The following SPTLC3 variants were observed in gnomAD, a reference collection of about 807,000 sequenced individuals.
SPTLC3 encodes the protein serine palmitoyltransferase long chain base subunit 3, also known as serine palmitoyltransferase 3.
SPTLC3 carries 36 observed loss-of-function variants against 59.3 expected under a neutral mutation model. That is an observed-to-expected ratio of 0.61 (90% CI 0.47 to 0.80). The LOEUF (loss-of-function observed/expected upper bound fraction) is 0.80, where lower values mean the gene tolerates loss of function less well. Ranked by LOEUF, SPTLC3 falls within the 30% of genes least tolerant of loss-of-function variation. The pLI, the probability that SPTLC3 is intolerant of heterozygous loss-of-function variation, is 0.00. For missense variants in SPTLC3, 625 were observed against 685.1 expected, an observed-to-expected ratio of 0.91 and a Z score of 0.98; for synonymous variants, 257 against 240.8, an observed-to-expected ratio of 1.07 and a Z score of -0.62.
In SPTLC3 at chr20:13,074,441, T is replaced by A; in HGVS notation, c.551T>A (p.Ile184Lys). ...AAKYDESMRT[I>K]KDVLEVYGTG... Reference sequence around the variant, plus strand: ...AAGTATGATGAGTCTATGAGGACAATAAAGGATGTTTTAGAGGTGTATGGC... The same window carrying A: ...AAGTATGATGAGTCTATGAGGACAAAAAAGGATGTTTTAGAGGTGTATGGC... Residue 184 changes from isoleucine (I) to lysine (K), a missense_variant, in exon 4 of 12, where the codon ATA (isoleucine) becomes AAA (lysine). Coordinates refer to ENST00000399002, the MANE Select transcript of SPTLC3 (RefSeq NM_018327.4). 1 of 1,614,092 alleles carries A rather than the reference T, an allele frequency of 6.2e-7. No individual in the cohort carries two copies. Among genetic ancestry groups the A allele is most frequent in the East Asian group, 2.2e-5 (1 of 44,868 alleles).
rs375987073 is a variant in SPTLC3, at chr20:13,165,757, G to C, written c.*890G>C. The C allele has an allele frequency of 2.0e-5, 3 of 152,170 alleles. No homozygotes were observed. Among genetic ancestry groups the C allele is most frequent in the Admixed American group, 6.6e-5 (1 of 15,264 alleles). The allele number at this position is 152,170 out of a possible 1,614,324, so 9.4% of individuals were successfully genotyped here. A position where few individuals can be genotyped will look rare whatever the true frequency, so the allele number is the denominator to read the frequency against. Reference sequence around the variant, plus strand: ...AATTTTGAGTAAATGGTGAAATTCAGTGTCCTTTAGAATCGACTCCCAAGA... The same window carrying C: ...AATTTTGAGTAAATGGTGAAATTCACTGTCCTTTAGAATCGACTCCCAAGA... On this transcript the variant is annotated 3_prime_UTR_variant, in exon 12 of 12. Coordinates refer to ENST00000399002, the MANE Select transcript of SPTLC3 (RefSeq NM_018327.4).
chr20:13,083,411 C>T lies in SPTLC3; in HGVS notation c.608-7672C>T, dbSNP rs556334990. 2.0e-5 allele frequency among the ~76,000 whole-genome samples: 3 copies of T among 152,280 alleles called. No individual in the cohort carries two copies. In the South Asian group the frequency reaches 6.2e-4, roughly 32 times the overall value. ...ACCACATAGGGGCCTATGTATTAAT[C>T]TTCATCAAAGGTACAATATAGAGCC... is the stretch of plus-strand genomic sequence containing the variant. On this transcript the variant is annotated intron_variant, in intron 4 of 11. Coordinates refer to ENST00000399002, the MANE Select transcript of SPTLC3 (RefSeq NM_018327.4).
At chr20:13,130,038 A>G (rs1475375645) in intron 9 of SPTLC3, among the ~76,000 whole-genome samples, 2 of 152,254 alleles carry the variant, frequency 1.3e-5, no homozygotes, top group African/African-American at 4.8e-5. Flanking sequence ...TTTTCAAAGA[A>G]ACAAAGGAAA....
At chr20:13,164,420 A>G in intron 11 of SPTLC3, 1 of 485,680 alleles carries the variant, frequency 2.1e-6, no homozygotes, top group Non-Finnish European at 4.2e-6. Flanking sequence ...TTTTTCTTCC[A>G]CAAGACTACA....
chr20:13,013,620 A>T (rs1481774060), intron 1 of SPTLC3, among the ~76,000 whole-genome samples: 1 of 152,184 alleles, frequency 6.6e-6, no homozygotes, highest in Non-Finnish European at 1.5e-5. Flanking sequence ...GCAGTTTTTC[A>T]TGAGCTCATC....
chr20:13,064,830 C>T (rs573577507), intron 2 of SPTLC3, among the ~76,000 whole-genome samples: 11 of 152,080 alleles, frequency 7.2e-5, no homozygotes, highest in Non-Finnish European at 1.5e-4. Flanking sequence ...AAATCTGTCT[C>T]TCCATTTCTT....
At position 13,152,398 on chromosome 20, in the gene SPTLC3, T is replaced by C. The variant is rs549554032; in HGVS notation, c.1280-1605T>C. Among the ~76,000 whole-genome samples the C allele has an allele frequency of 2.6e-5, 4 of 152,252 alleles. No homozygotes were observed. The East Asian group carries it at 5.8e-4, about 22-fold the overall frequency. On this transcript the variant is annotated intron_variant, in intron 9 of 11. Coordinates refer to ENST00000399002, the MANE Select transcript of SPTLC3 (RefSeq NM_018327.4). ...GAATTACTCATGACACATTTGGTTATAAGAGGCAGAAGAGGAAATGTATTG... is the reference window on the plus strand; with the variant it reads ...GAATTACTCATGACACATTTGGTTACAAGAGGCAGAAGAGGAAATGTATTG...
chr20:13,148,597 C>T (rs956445178), intron 9 of SPTLC3, among the ~76,000 whole-genome samples: 5 of 152,198 alleles, frequency 3.3e-5, no homozygotes, highest in African/African-American at 9.6e-5. Context: ...TTATTTGCCA[C>T]ACCCAGTGAA....
chr20:13,065,994 G>A (rs1156853188), intron 2 of SPTLC3, among the ~76,000 whole-genome samples: 1 of 152,174 alleles, frequency 6.6e-6, no homozygotes, highest in East Asian at 1.9e-4. Context: ...TCACCATGCT[G>A]TACATTAGGT....
intron 7 of SPTLC3, among the ~76,000 whole-genome samples, chr20:13,110,540 G>C (rs978690385): frequency 6.6e-6 from 1 of 152,138 alleles, no homozygotes; most frequent in African/African-American, 2.4e-5. Context: ...TTCGCAGCTG[G>C]GTTATTCAAG....
intron 6 of SPTLC3, among the ~76,000 whole-genome samples, chr20:13,108,710 G>C (rs1163903266): frequency 6.6e-6 from 1 of 152,116 alleles, no homozygotes; most frequent in Non-Finnish European, 1.5e-5. Flanking sequence ...AAGTAGCTGG[G>C]ATTAGAGGTG....
intron 3 of SPTLC3, among the ~76,000 whole-genome samples, chr20:13,073,347 C>T (rs192091387): frequency 1.8e-4 from 27 of 152,208 alleles, no homozygotes; most frequent in African/African-American, 6.5e-4. Flanking sequence ...ATATAAAGGC[C>T]TCTAGTTCCA....
intron 7 of SPTLC3, among the ~76,000 whole-genome samples, 160 bp from the exon 8 acceptor site, chr20:13,117,346 T>C (rs1879050256): frequency 6.6e-6 from 1 of 152,232 alleles, no homozygotes; most frequent in African/African-American, 2.4e-5. Flanking sequence ...CAAGTGGCCT[T>C]ACAAGATTGA....
rs891452900 is a variant in SPTLC3, at chr20:13,165,474, G to A, written c.*607G>A. ...GGGGAAAGCAGAACTGATCAACTGC[G>A]ACTAGAGACGTCTTTGAAGGAAATT... is the stretch of plus-strand genomic sequence containing the variant. On this transcript the variant is annotated 3_prime_UTR_variant, in exon 12 of 12. Coordinates refer to ENST00000399002, the MANE Select transcript of SPTLC3 (RefSeq NM_018327.4). The A allele has an allele frequency of 6.6e-6, 1 of 152,206 alleles. No individual in the cohort carries two copies. Among genetic ancestry groups the A allele is most frequent in the African/African-American group, 2.4e-5 (1 of 41,462 alleles). 9.4% of individuals were successfully genotyped at this position (152,206 alleles called of 1,614,324 possible).
chr20:13,016,091 G>T (rs895255057), intron 1 of SPTLC3, among the ~76,000 whole-genome samples: 11 of 151,750 alleles, frequency 7.2e-5, no homozygotes, highest in Non-Finnish European at 1.5e-4. Flanking sequence ...AATACAAAAA[G>T]AGGCCAAACA....
chr20:13,038,627 TTATTTCTGTTATC>T lies in SPTLC3; in HGVS notation c.118-10311_118-10299del, dbSNP rs558999769. On this transcript the variant is annotated intron_variant, in intron 1 of 11. Coordinates refer to ENST00000399002, the MANE Select transcript of SPTLC3 (RefSeq NM_018327.4). Reference sequence around the variant, plus strand: ...TTGTTGATTTATTTGAAGAGCCACCTTATTTCTGTTATCTATTTCATTAATTTCCACTCTAATT... The same window carrying T: ...TTGTTGATTTATTTGAAGAGCCACCTTATTTCATTAATTTCCACTCTAATT... Among the ~76,000 whole-genome samples the T allele has an allele frequency of 2.4e-3, 368 of 152,252 alleles. 5 individuals carry two copies. The highest frequency in any genetic ancestry group is 7.8e-3 in the African/African-American group (324 of 41,570).
chr20:13,160,539 C>G (rs887560144), intron 11 of SPTLC3, among the ~76,000 whole-genome samples: 1 of 152,134 alleles, frequency 6.6e-6, no homozygotes, highest in Admixed American at 6.5e-5. Flanking sequence ...GTTGGAAAAC[C>G]AACAAGAACA....
At chr20:13,073,714 C>G in intron 3 of SPTLC3, 1 of 453,202 alleles carries the variant, frequency 2.2e-6, no homozygotes. Context: ...AGCTTCAGTT[C>G]TGAGTTGACG....
intron 8 of SPTLC3, among the ~76,000 whole-genome samples, chr20:13,119,355 G>A (rs546762049): frequency 4.6e-5 from 7 of 152,230 alleles, no homozygotes; most frequent in East Asian, 3.9e-4. Context: ...AAAGGCTCGC[G>A]ACTAGCAGAA....
Sources: gnomAD v4.1 joint callset for allele counts (sites outside exome capture counted in the v4.1 genomes callset) on GRCh38, gnomAD v4.1.1 for gene constraint, MANE v1.5 for transcripts, NCBI Gene and HGNC (gene_info 2026-07-23, HGNC 2026-07-21) for gene names.